PDE4C: variants seen among roughly 807,000 people sequenced by gnomAD.
PDE4C encodes phosphodiesterase 4C, also known as 3',5'-cyclic-AMP phosphodiesterase 4C.
A neutral mutation model predicts 63.9 loss-of-function variants in PDE4C; 50 were observed. The observed-to-expected ratio is 0.78, with a 90% CI of 0.62 to 0.99. The LOEUF is 0.99. PDE4C is among the 50% of genes least tolerant of loss of function. The pLI is 0.00. For missense variants in PDE4C, 777 were observed against 899.1 expected, an observed-to-expected ratio of 0.86 and a Z score of 1.74; for synonymous variants, 377 against 385.1, an observed-to-expected ratio of 0.98 and a Z score of 0.25.
At chr19:18,211,270 A>G in exon 15 of PDE4C, 1 of 1,578,964 alleles carries the variant, frequency 6.3e-7, no homozygotes, top group Non-Finnish European at 8.6e-7. Flanking sequence ...TAGTCAATGA[A>G]ACCCACCTGT....
intron 13 of PDE4C, 43 bp from the exon 14 acceptor site, chr19:18,211,984 C>T: frequency 6.3e-7 from 1 of 1,593,646 alleles, no homozygotes; most frequent in Non-Finnish European, 8.6e-7. Context: ...GGGGCCCAGC[C>T]ACACCTAGAC....
At chr19:18,254,525 G>A in the PDE4C span, among the ~76,000 whole-genome samples, 1 of 152,176 alleles carries the variant, frequency 6.6e-6, no homozygotes, top group Non-Finnish European at 1.5e-5. Flanking sequence ...TTCTAATCTG[G>A]GTCTGGGACA....
chr19:18,239,333 A>T (rs1319277826), intron 1 of PDE4C, among the ~76,000 whole-genome samples: 1 of 152,198 alleles, frequency 6.6e-6, no homozygotes, highest in Non-Finnish European at 1.5e-5. Context: ...TAAATGCTGG[A>T]TACATTTTAA....
At chr19:18,224,072 T>C (rs1211823264) in intron 1 of PDE4C, among the ~76,000 whole-genome samples, 1 of 152,218 alleles carries the variant, frequency 6.6e-6, no homozygotes, top group Non-Finnish European at 1.5e-5. Flanking sequence ...TCCGGGTCTT[T>C]GCACAGGCCG....
downstream of PDE4C, chr19:18,208,448 G>GC (rs1285707874): frequency 1.3e-5 from 2 of 152,242 alleles, no homozygotes; most frequent in East Asian, 3.9e-4. Context: ...GACCATCAGG[G>GC]CTGGAGGATG....
exon 15 of PDE4C, chr19:18,211,066 C>T (rs1320115157): frequency 6.2e-7 from 1 of 1,614,132 alleles, no homozygotes; most frequent in African/African-American, 1.3e-5. Context: ...TCCTCATCCT[C>T]TTCCTCTGCC....
Position 18,220,752 on chromosome 19 carries a change from G to T in PDE4C, c.499+122C>A. On this transcript the variant is annotated intron_variant, in intron 5 of 14. Coordinates refer to ENST00000262805, the Ensembl canonical transcript of PDE4C. The surrounding 1 kb of genome is among the most constrained non-coding windows in gnomAD (Gnocchi z 5.1). ...GGGGTCCATCCCCGAGGGCGTTATT[G>T]TTTTTGCAGGGGCGGGGCTACAATT... is the stretch of plus-strand genomic sequence containing the variant. 1 of 1,023,774 alleles carries T rather than the reference G, an allele frequency of 9.8e-7. No individual in the cohort carries two copies. Among genetic ancestry groups the T allele is most frequent in the Non-Finnish European group, 1.5e-6 (1 of 665,864 alleles). The allele number at this position is 1,023,774 out of a possible 1,614,324, so 63.4% of individuals were successfully genotyped here. A position where few individuals can be genotyped will look rare whatever the true frequency, so the allele number is the denominator to read the frequency against.
chr19:18,241,943 C>CAA (rs78453147), intron 1 of PDE4C, among the ~76,000 whole-genome samples: 2 of 152,028 alleles, frequency 1.3e-5, no homozygotes, highest in South Asian at 4.2e-4. Flanking sequence ...TGAACAAATG[C>CAA]AAAAAAATAA....
downstream of PDE4C, chr19:18,208,040 T>C (rs1033197246): frequency 3.9e-5 from 6 of 152,212 alleles, no homozygotes; most frequent in Non-Finnish European, 7.3e-5. Flanking sequence ...GAACATGGTA[T>C]TACTTTGTAA....
chr19:18,220,075 T>C lies in PDE4C; in HGVS notation c.706+151A>G. ...CCCCTGCTCCTGGAAGTTCCCCTTGTTCCTCCCTCTGATCCAGCCCTGACT... is the reference window on the plus strand; with the variant it reads ...CCCCTGCTCCTGGAAGTTCCCCTTGCTCCTCCCTCTGATCCAGCCCTGACT... On this transcript the variant is annotated intron_variant, in intron 7 of 14. Transcript: ENST00000262805. This position sits in a 1 kb window ranked among gnomAD's most constrained non-coding sequence, Gnocchi z 5.1. 1 of 684,076 alleles carries C rather than the reference T, an allele frequency of 1.5e-6. No individual in the cohort carries two copies. 42.4% of individuals were successfully genotyped at this position (684,076 alleles called of 1,614,324 possible).
chr19:18,229,162 C>T (rs1447445382), upstream of PDE4C, among the ~76,000 whole-genome samples: 3 of 142,150 alleles, frequency 2.1e-5, no homozygotes, highest in Non-Finnish European at 4.5e-5. Flanking sequence ...ATTGGTCAGG[C>T]TGGTCTCGAA....
Position 18,220,991 on chromosome 19 carries a change from C to T in PDE4C, c.450-68G>A, listed in dbSNP as rs1213477881. The T allele has an allele frequency of 1.9e-6, 3 of 1,554,730 alleles. No homozygotes were observed. The African/African-American group carries it at 4.1e-5, about 21-fold the overall frequency. On this transcript the variant is annotated intron_variant, in intron 4 of 14. Transcript: ENST00000262805. This position sits in a 1 kb window ranked among gnomAD's most constrained non-coding sequence, Gnocchi z 5.1. ...GCCCCGCCCCCAAGTCCACCAGGCC[C>T]CGCCCCTCAAACCCACCTGGAGGCG...
chr19:18,221,055 C>CCCCCCCCCCCCCCCCCCCCCCAGGGG, intron 4 of PDE4C, 50 bp downstream of exon 4: 1 of 763,408 alleles, frequency 1.3e-6, no homozygotes, highest in Non-Finnish European at 1.8e-6. Flanking sequence ...GCTTTCCGCC[C>CCCCCCCCCCCCCCCCCCCCCCAGGGG]ACCTTGTCTC....
intron 1 of PDE4C, among the ~76,000 whole-genome samples, chr19:18,243,016 G>A (rs1232890361): frequency 6.6e-6 from 1 of 152,098 alleles, no homozygotes; most frequent in Admixed American, 6.6e-5. Flanking sequence ...ACCAGAGCGG[G>A]GCCTGTGAGT....
chr19:18,247,015 C>T (rs1043853682), intron 1 of PDE4C, among the ~76,000 whole-genome samples: 2 of 152,192 alleles, frequency 1.3e-5, no homozygotes, highest in South Asian at 2.1e-4. Context: ...TGAATCCAGC[C>T]CCCGCAGGGT....
At chr19:18,235,508 T>G (rs1047137999), upstream of PDE4C, among the ~76,000 whole-genome samples, 5 of 151,814 alleles carry the variant, frequency 3.3e-5, no homozygotes, top group African/African-American at 1.2e-4. Flanking sequence ...CATCCAAAGC[T>G]CCTCACTTCT....
Position 18,233,233 on chromosome 19 carries a change from G to A in PDE4C, c.-42C>T, listed in dbSNP as rs1162879887. On this transcript the variant is annotated 5_prime_UTR_variant, in exon 1 of 15. Coordinates refer to the PDE4C transcript ENST00000594465. ...TCTGGGATAGCAGGGAGCAGGACTC[G>A]TCCCCGTGAGCGGGCGCCGAGGAGC... is the stretch of plus-strand genomic sequence containing the variant. 2 of 1,545,888 alleles carry A rather than the reference G, an allele frequency of 1.3e-6. 1 individual carries two copies.
In PDE4C at chr19:18,220,106, G is replaced by A. The variant is rs1968390098; in HGVS notation, c.706+120C>T. The A allele has an allele frequency of 3.8e-6, 3 of 792,622 alleles. No individual in the cohort carries two copies. The highest frequency in any genetic ancestry group is 6.6e-6 in the Non-Finnish European group (3 of 457,438). 49.1% of individuals were successfully genotyped at this position (792,622 alleles called of 1,614,324 possible). The stretch of plus-strand genomic sequence containing the variant: ...CCTCTGATCCAGCCCTGACTCATGG[G>A]GGCTGAAGGTGTCTGTGTCTGGCTG... On this transcript the variant is annotated intron_variant, in intron 7 of 14. Coordinates refer to ENST00000262805, the Ensembl canonical transcript of PDE4C. This position sits in a 1 kb window ranked among gnomAD's most constrained non-coding sequence, Gnocchi z 5.1.
At chr19:18,224,216 C>T (rs1968621243) in intron 1 of PDE4C, 3 of 985,350 alleles carry the variant, frequency 3.0e-6, no homozygotes, top group Middle Eastern at 5.2e-4. Context: ...AGAACTGGGG[C>T]GCTAGAGAAG....
Sources: gnomAD v4.1 joint callset for allele counts (sites outside exome capture counted in the v4.1 genomes callset) on GRCh38, gnomAD v4.1.1 for gene constraint, Gnocchi (gnomAD v3.1) non-coding constraint, MANE v1.5 for transcripts, NCBI Gene and HGNC (gene_info 2026-07-23, HGNC 2026-07-21) for gene names.